The following B9D1 variants were observed in gnomAD, a reference collection of about 807,000 sequenced individuals.
B9D1 encodes B9 domain-containing protein 1.
In B9D1, 20 loss-of-function variants were observed where a neutral mutation model predicts 26.1. The observed-to-expected ratio is 0.77, with a 90% CI of 0.54 to 1.12. The LOEUF is 1.12. Among genes scored for constraint, B9D1 ranks in the 50% most tolerant of loss-of-function variants. The pLI, the probability that B9D1 is intolerant of heterozygous loss-of-function variation, is 0.00. For missense variants in B9D1, 260 were observed against 273.7 expected, an observed-to-expected ratio of 0.95 and a Z score of 0.35; for synonymous variants, 105 against 103.1, an observed-to-expected ratio of 1.02 and a Z score of -0.11.
intron 3 of B9D1, among the ~76,000 whole-genome samples, chr17:19,356,734 G>A (rs1390494116): frequency 6.6e-6 from 1 of 152,166 alleles, no homozygotes; most frequent in Admixed American, 6.5e-5. Context: ...TAACCTCTCT[G>A]GATTTCTGTT....
chr17:19,352,334 T>G (rs1909716057), intron 3 of B9D1, among the ~76,000 whole-genome samples: 1 of 152,064 alleles, frequency 6.6e-6, no homozygotes, highest in African/African-American at 2.4e-5. Flanking sequence ...TTTAACTTGC[T>G]ATTCTTTTAC....
At chr17:19,344,392 C>A in intron 5 of B9D1, 1 of 223,484 alleles carries the variant, frequency 4.5e-6, no homozygotes, top group South Asian at 4.7e-5. Flanking sequence ...TTGGCACCCA[C>A]CGCAGGCCCT....
Position 19,347,109 on chromosome 17 carries a change from C to T in B9D1, c.404+160G>A, listed in dbSNP as rs758979736. 94 of 1,571,636 alleles carry T rather than the reference C, an allele frequency of 6.0e-5. No homozygotes were observed. The highest frequency in any genetic ancestry group is 1.7e-4 in the Middle Eastern group (1 of 5,822). ...GCTGGAACAGGGCTGAAGGGAGCCC[C>T]GTGACTCAGCACTCCCAGGGGACCT... On this transcript the variant is annotated intron_variant, in intron 5 of 6. Transcript: ENST00000261499. This position sits in a 1 kb window ranked among gnomAD's most constrained non-coding sequence, Gnocchi z 4.3.
At chr17:19,376,690 C>G (rs1179002270) in intron 1 of B9D1, among the ~76,000 whole-genome samples, 1 of 141,018 alleles carries the variant, frequency 7.1e-6, no homozygotes, top group Non-Finnish European at 1.5e-5. Flanking sequence ...CCCAGCTATT[C>G]GGGAGGCTGA....
chr17:19,377,891 A>C (rs902423715), exon 1 of B9D1: 14 of 985,288 alleles, frequency 1.4e-5, no homozygotes, highest in Non-Finnish European at 1.7e-5. Context: ...CTGCAGTCCA[A>C]CTTGGCCGGA....
upstream of B9D1, chr17:19,362,748 T>G: frequency 6.6e-7 from 1 of 1,504,122 alleles, no homozygotes; most frequent in Non-Finnish European, 8.9e-7. Flanking sequence ...CGGGCGCCGT[T>G]ATAAGGGGGC....
intron 1 of B9D1, among the ~76,000 whole-genome samples, chr17:19,362,004 G>A (rs535451341): frequency 2.6e-5 from 4 of 152,328 alleles, no homozygotes; most frequent in African/African-American, 9.6e-5. Context: ...AAAGTGTAGG[G>A]GGATGGGGAA....
At chr17:19,374,411 GC>G (rs1912017110) in intron 1 of B9D1, among the ~76,000 whole-genome samples, 1 of 152,186 alleles carries the variant, frequency 6.6e-6, no homozygotes, top group South Asian at 2.1e-4. Flanking sequence ...CTTTTAAAAA[GC>G]ACCGTGTGAG....
upstream of B9D1, chr17:19,362,814 T>G (rs1028908038): frequency 7.6e-6 from 9 of 1,181,426 alleles, no homozygotes; most frequent in African/African-American, 1.5e-5. Flanking sequence ...AGGGCAGGTA[T>G]GACCGAGAGC....
downstream of B9D1, among the ~76,000 whole-genome samples, chr17:19,339,756 A>G (rs12450187): frequency 6.6e-5 from 10 of 152,156 alleles, no homozygotes; most frequent in Admixed American, 6.5e-4. Flanking sequence ...AAAGGGTGCC[A>G]TGGACAAGAA....
At chr17:19,377,141 T>C (rs925005607) in intron 1 of B9D1, among the ~76,000 whole-genome samples, 2 of 152,274 alleles carry the variant, frequency 1.3e-5, no homozygotes, top group African/African-American at 4.8e-5. Context: ...CTTGGGCACA[T>C]GTTGTAGGAC....
At chr17:19,336,691 ATATAAT>A, downstream of B9D1, 1 of 152,704 alleles carries the variant, frequency 6.5e-6, no homozygotes, top group East Asian at 1.9e-4. Context: ...TACTGTATAA[ATATAAT>A]TTATCATTTG....
At chr17:19,363,540 G>A (rs1911392688), upstream of B9D1, 1 of 152,216 alleles carries the variant, frequency 6.6e-6, no homozygotes. Flanking sequence ...TTCAAACCCA[G>A]GACTCCAGAG....
At position 19,358,072 on chromosome 17, in the gene B9D1, C is replaced by T. The variant is rs866708268; in HGVS notation, c.133-121G>A. ...TTCTCAGCTGTCTTCTCCCAAGACA[C>T]GAACTTCCAAACAAAGGGGACTAAG... On this transcript the variant is annotated intron_variant, in intron 2 of 6. Transcript: ENST00000261499. The T allele has an allele frequency of 9.1e-5, 67 of 737,552 alleles. No homozygotes were observed. In the Middle Eastern group the frequency reaches 2.4e-3, roughly 26 times the overall value. The allele number at this position is 737,552 out of a possible 1,614,324, so 45.7% of individuals were successfully genotyped here. A position where few individuals can be genotyped will look rare whatever the true frequency, so the allele number is the denominator to read the frequency against.
Position 19,362,549 on chromosome 17 carries a change from G to T in B9D1, c.21C>A (p.Ser7Arg). The change falls in exon 1 of 7, where the codon AGC becomes AGA. Residue 7 changes from serine to arginine, a missense_variant. Physicochemically the swap from Ser to Arg is moderately radical, Grantham distance 110. Coordinates refer to ENST00000261499, the MANE Select transcript of B9D1 (RefSeq NM_015681.6). ...GCCCGTTGACCATGAGTAGAAAGAC[G>T]CTAGGACTCGCGGTCGCCATGGCAG... is the stretch of plus-strand genomic sequence containing the variant. Reference protein sequence around the residue: MATASPSVFLLMVNGQV... With the variant: MATASPRVFLLMVNGQV... 1 of 1,588,926 alleles carries T rather than the reference G, an allele frequency of 6.3e-7. No homozygotes were observed. The highest frequency in any genetic ancestry group is 1.1e-5 in the South Asian group (1 of 87,454).
intron 3 of B9D1, among the ~76,000 whole-genome samples, chr17:19,352,865 A>G (rs1419967897): frequency 2.0e-5 from 3 of 147,534 alleles, no homozygotes; most frequent in Admixed American, 6.7e-5. Flanking sequence ...ATGGGGTTTC[A>G]CCATGTTGGC....
chr17:19,350,343 C>T (rs181452455), intron 3 of B9D1, among the ~76,000 whole-genome samples: 1 of 152,096 alleles, frequency 6.6e-6, no homozygotes, highest in African/African-American at 2.4e-5. Flanking sequence ...GATGGGAGTT[C>T]AAGAACAGCC....
intron 3 of B9D1, among the ~76,000 whole-genome samples, chr17:19,354,123 T>G (rs1567896291): frequency 6.6e-6 from 1 of 152,236 alleles, no homozygotes. Context: ...TTAGAAGTTA[T>G]TTTCTTATTT....
At chr17:19,358,496 A>G (rs1345995293) in intron 2 of B9D1, among the ~76,000 whole-genome samples, 2 of 152,068 alleles carry the variant, frequency 1.3e-5, no homozygotes, top group East Asian at 3.9e-4. Flanking sequence ...CCAGCACTCT[A>G]CCAAAGGGTT....
Sources: allele counts gnomAD v4.1 joint callset (sites outside exome capture counted in the v4.1 genomes callset), GRCh38; gene constraint gnomAD v4.1.1; non-coding constraint Gnocchi (gnomAD v3.1); transcripts MANE v1.5; gene names NCBI Gene and HGNC (gene_info 2026-07-23, HGNC 2026-07-21).